PBX1: variants seen among roughly 807,000 people sequenced by gnomAD.
The protein encoded by PBX1 is PBX homeobox 1, also known as pre-B-cell leukemia transcription factor 1.
In PBX1, 6 loss-of-function variants were observed where a neutral mutation model predicts 53.4. The ratio of observed to expected loss-of-function variants is 0.11; its 90% CI spans 0.06 to 0.22. The LOEUF is 0.22. PBX1 is among the 10% of genes least tolerant of loss of function. The probability of loss-of-function intolerance (pLI) is 1.00; values close to 1 mark genes in which losing one functional copy is unlikely to be tolerated. For synonymous variants in PBX1, 204 were observed against 212.3 expected (o/e 0.96, Z 0.34); for missense variants, 251 against 551.4 (o/e 0.46, Z 5.46).
At chr1:164,576,006 C>T (rs1654205779) in intron 2 of PBX1, among the ~76,000 whole-genome samples, 1 of 152,096 alleles carries the variant, frequency 6.6e-6, no homozygotes, top group African/African-American at 2.4e-5. Context: ...AAAGAAAAAA[C>T]AAAACCCAGC....
intron 2 of PBX1, among the ~76,000 whole-genome samples, chr1:164,722,359 A>G (rs1664459282): frequency 6.6e-6 from 1 of 152,146 alleles, no homozygotes. Flanking sequence ...AGTGCTGGAC[A>G]TCTCCCTTAA....
intron 2 of PBX1, among the ~76,000 whole-genome samples, chr1:164,675,365 C>T (rs1027832916): frequency 1.3e-5 from 2 of 152,116 alleles, no homozygotes; most frequent in Admixed American, 1.3e-4. Flanking sequence ...AAAGTAATTG[C>T]GGTTTTTGCC....
At chr1:164,660,816 G>A (rs1342943166) in intron 2 of PBX1, among the ~76,000 whole-genome samples, 1 of 152,098 alleles carries the variant, frequency 6.6e-6, no homozygotes, top group Admixed American at 6.5e-5. Context: ...TATAGATTGT[G>A]GTCTGTGCCT....
At chr1:164,673,761 CT>C (rs763423804) in intron 2 of PBX1, among the ~76,000 whole-genome samples, 1 of 152,090 alleles carries the variant, frequency 6.6e-6, no homozygotes. Context: ...CTAGATGAAA[CT>C]TTTATGGGAA....
At chr1:164,594,237 C>G (rs1655599838) in intron 2 of PBX1, among the ~76,000 whole-genome samples, 1 of 152,148 alleles carries the variant, frequency 6.6e-6, no homozygotes, top group Admixed American at 6.6e-5. Context: ...ACACAGAATG[C>G]TAAAGCTGCA....
At chr1:164,780,237 C>T (rs1376298838) in intron 2 of PBX1, among the ~76,000 whole-genome samples, 1 of 152,160 alleles carries the variant, frequency 6.6e-6, no homozygotes. Flanking sequence ...ACAACCACCA[C>T]AAAAAAGCCC....
intron 6 of PBX1, chr1:164,812,708 T>C (rs1367493941): frequency 6.6e-6 from 1 of 152,206 alleles, no homozygotes; most frequent in East Asian, 1.9e-4. Flanking sequence ...TTTTTGTTGG[T>C]CTTCTTTATG....
intron 2 of PBX1, among the ~76,000 whole-genome samples, chr1:164,676,016 G>A (rs771613723): frequency 1.1e-4 from 16 of 152,186 alleles, no homozygotes; most frequent in East Asian, 3.9e-4. Flanking sequence ...TGGTATGAAC[G>A]CGTGCAGTTT....
At chr1:164,753,903 A>T (rs1666355709) in intron 2 of PBX1, among the ~76,000 whole-genome samples, 5 of 152,290 alleles carry the variant, frequency 3.3e-5, no homozygotes, top group Admixed American at 3.3e-4. Context: ...TCACCTCTGA[A>T]GGTGGCAGGA....
chr1:164,876,556 G>A (rs957906297), intron 2 of PBX1, among the ~76,000 whole-genome samples: 1 of 151,874 alleles, frequency 6.6e-6, no homozygotes, highest in African/African-American at 2.4e-5. Flanking sequence ...GGCGGGGCAG[G>A]GAATTAACAT....
At chr1:164,630,792 T>C (rs1423822031) in intron 2 of PBX1, among the ~76,000 whole-genome samples, 1 of 152,252 alleles carries the variant, frequency 6.6e-6, no homozygotes, top group Non-Finnish European at 1.5e-5. Context: ...TACTGTCTTG[T>C]GCAATCTTTG....
chr1:164,588,930 T>C (rs1485720746), intron 2 of PBX1, among the ~76,000 whole-genome samples: 1 of 152,116 alleles, frequency 6.6e-6, no homozygotes, highest in African/African-American at 2.4e-5. Context: ...AGAGAATCTT[T>C]CTCTCTTTTT....
intron 2 of PBX1, among the ~76,000 whole-genome samples, chr1:164,653,250 A>G (rs1367758641): frequency 6.6e-6 from 1 of 151,636 alleles, no homozygotes; most frequent in Non-Finnish European, 1.5e-5. Flanking sequence ...CTTGAGATTT[A>G]TCTGTGTTAT....
intron 2 of PBX1, among the ~76,000 whole-genome samples, chr1:164,610,732 C>T (rs1368935541): frequency 6.6e-6 from 1 of 152,216 alleles, no homozygotes; most frequent in Non-Finnish European, 1.5e-5. Flanking sequence ...CTGTGATGGG[C>T]TGGCAGGCCA....
intron 2 of PBX1, among the ~76,000 whole-genome samples, chr1:164,564,298 CAAT>C (rs1226370889): frequency 6.6e-6 from 1 of 151,434 alleles, no homozygotes; most frequent in Non-Finnish European, 1.5e-5. Flanking sequence ...GTGTAACAGT[CAAT>C]AATTCATATC....
chr1:164,681,765 C>T (rs544791016), intron 2 of PBX1, among the ~76,000 whole-genome samples: 1 of 152,284 alleles, frequency 6.6e-6, no homozygotes, highest in East Asian at 1.9e-4. Flanking sequence ...TTCATACACC[C>T]ATCCCCCATG....
rs141340217 is a variant in PBX1 at position 164,686,618 on chromosome 1, G to A, written c.266-105876G>A. 8.5e-5 allele frequency among the ~76,000 whole-genome samples: 13 copies of A among 152,272 alleles called. No individual in the cohort carries two copies. The East Asian group carries it at 1.2e-3, about 14-fold the overall frequency. On this transcript the variant is annotated intron_variant, in intron 2 of 8. Transcript: ENST00000420696. ...TTGTGTTCACAGAAGTGAATCAATGGGAGACACAAGGTTACCACTTAATAT... is the reference window on the plus strand; with the variant it reads ...TTGTGTTCACAGAAGTGAATCAATGAGAGACACAAGGTTACCACTTAATAT...
chr1:164,788,591 G>A (rs981725151), intron 2 of PBX1, among the ~76,000 whole-genome samples: 3 of 152,058 alleles, frequency 2.0e-5, no homozygotes, highest in Non-Finnish European at 4.4e-5. Flanking sequence ...ATGCAAAATA[G>A]TGCAAGATGG....
chr1:164,633,584 G>A (rs1279599729), intron 2 of PBX1, among the ~76,000 whole-genome samples: 5 of 152,132 alleles, frequency 3.3e-5, no homozygotes, highest in Admixed American at 6.5e-5. Context: ...AATGGTGTAC[G>A]TTATCATGAA....
Sources: gnomAD v4.1 joint callset for allele counts (sites outside exome capture counted in the v4.1 genomes callset) on GRCh38, gnomAD v4.1.1 for gene constraint, MANE v1.5 for transcripts, NCBI Gene and HGNC (gene_info 2026-07-23, HGNC 2026-07-21) for gene names.